The following DGKB variants were observed in gnomAD, a reference collection of about 807,000 sequenced individuals.
DGKB encodes the protein 90 kDa diacylglycerol kinase.
Under a neutral mutation model 114.3 loss-of-function variants are expected in DGKB, and 67 were observed. The ratio of observed to expected loss-of-function variants is 0.59; its 90% CI spans 0.48 to 0.72. The LOEUF (loss-of-function observed/expected upper bound fraction) is 0.72. Among genes scored for constraint, DGKB ranks in the 30% least tolerant of loss-of-function variants. The pLI is 0.00. For synonymous variants in DGKB, 398 were observed against 323.1 expected, an observed-to-expected ratio of 1.23 and a Z score of -2.49; for missense variants, 907 against 975.2, an observed-to-expected ratio of 0.93 and a Z score of 0.93.
chr7:14,885,427 T>G (rs564578726), intron 1 of DGKB, among the ~76,000 whole-genome samples: 1 of 151,978 alleles, frequency 6.6e-6, no homozygotes, highest in East Asian at 1.9e-4. Context: ...AAAGCAATGT[T>G]TCTTGGAGAG....
chr7:14,569,432 A>G lies in DGKB; in HGVS notation c.1770+4780T>C, dbSNP rs559981150. Among the ~76,000 whole-genome samples the G allele has an allele frequency of 4.9e-4, 74 of 152,326 alleles. No individual in the cohort carries two copies. The South Asian group carries it at 0.012, about 25-fold the overall frequency. ...GTCATCTTTTAAATTTAGATCTTTA[A>G]TAAGTCTGGCGTGTACTTATATAAT... On this transcript the variant is annotated intron_variant, in intron 20 of 25. Coordinates refer to ENST00000402815, the MANE Select transcript of DGKB (RefSeq NM_001350709.2).
Position 14,148,466 on chromosome 7 carries a change from C to CTTAT in DGKB, c.*661_*664dup, listed in dbSNP as rs1781722127. The CTTAT allele has an allele frequency of 6.6e-6, 1 of 152,610 alleles. No homozygotes were observed. The highest frequency in any genetic ancestry group is 2.4e-5 in the African/African-American group (1 of 41,442). The allele number at this position is 152,610 out of a possible 1,614,324, so 9.5% of individuals were successfully genotyped here. On this transcript the variant is annotated 3_prime_UTR_variant, in exon 26 of 26. Transcript: ENST00000402815. ...TTGACTGTCAAGTAACATGTTTTCA[C>CTTAT]TTATTTCTGGAATTAAAAAGAAAAC...
chr7:14,459,524 A>C (rs1024482253), intron 21 of DGKB, among the ~76,000 whole-genome samples: 1 of 152,272 alleles, frequency 6.6e-6, no homozygotes, highest in African/African-American at 2.4e-5. Context: ...TCAACTTAAC[A>C]AAAGAAAGCA....
chr7:14,304,549 T>C (rs1233174326), intron 23 of DGKB, among the ~76,000 whole-genome samples: 2 of 152,160 alleles, frequency 1.3e-5, no homozygotes, highest in African/African-American at 4.8e-5. Context: ...TTTTTTGCAT[T>C]ACAGCCCAAA....
chr7:14,622,243 G>A (rs1049110799), intron 14 of DGKB, among the ~76,000 whole-genome samples: 1 of 151,984 alleles, frequency 6.6e-6, no homozygotes, highest in Non-Finnish European at 1.5e-5. Context: ...GTGGCTTCCA[G>A]GACACTTCTT....
intron 3 of DGKB, among the ~76,000 whole-genome samples, chr7:14,755,251 C>A (rs1044616948): frequency 6.6e-6 from 1 of 151,998 alleles, no homozygotes; most frequent in Non-Finnish European, 1.5e-5. Flanking sequence ...TATTTTTTCT[C>A]TATTAAAATA....
At chr7:14,736,254 C>T in intron 4 of DGKB, 60 bp from the exon 5 acceptor site, 1 of 1,141,810 alleles carries the variant, frequency 8.8e-7, no homozygotes, top group South Asian at 1.6e-5. Context: ...AAATTCTGTG[C>T]TGTGTTCAAA....
intron 2 of DGKB, among the ~76,000 whole-genome samples, chr7:14,807,620 C>T (rs540209691): frequency 6.6e-5 from 10 of 151,956 alleles, no homozygotes; most frequent in South Asian, 4.2e-4. Context: ...TATAAAACGA[C>T]GTAGAAAGAG....
At chr7:14,888,026 T>A (rs1780586452) in intron 1 of DGKB, among the ~76,000 whole-genome samples, 1 of 151,662 alleles carries the variant, frequency 6.6e-6, no homozygotes, top group Non-Finnish European at 1.5e-5. Flanking sequence ...GCTGCTTGAA[T>A]AAGTAGAAAT....
At chr7:14,935,175 T>A (rs1421149958) in intron 1 of DGKB, among the ~76,000 whole-genome samples, 1 of 152,174 alleles carries the variant, frequency 6.6e-6, no homozygotes, top group Non-Finnish European at 1.5e-5. Flanking sequence ...CTTATCGATC[T>A]GTGAATTGTG....
intron 20 of DGKB, among the ~76,000 whole-genome samples, chr7:14,483,847 G>C (rs10245826): frequency 0.5 from 75,972 of 151,852 alleles, 19,557 homozygotes; most frequent in East Asian, 0.87. Flanking sequence ...GAAATGTTTT[G>C]TTCTCCATCA....
At chr7:14,562,907 T>G (rs1160583782) in intron 20 of DGKB, among the ~76,000 whole-genome samples, 1 of 152,140 alleles carries the variant, frequency 6.6e-6, no homozygotes, top group Non-Finnish European at 1.5e-5. Flanking sequence ...ATAGGAGATT[T>G]GGGAGGGACC....
At chr7:14,839,963 A>G (rs1562681429) in intron 2 of DGKB, among the ~76,000 whole-genome samples, 2 of 152,168 alleles carry the variant, frequency 1.3e-5, no homozygotes, top group East Asian at 1.9e-4. Flanking sequence ...GTCTTTTCAG[A>G]TAATATACAT....
At chr7:14,686,719 A>T (rs1404614) in intron 9 of DGKB, among the ~76,000 whole-genome samples, 72,820 of 151,880 alleles carry the variant, frequency 0.48, 17,885 homozygotes, top group East Asian at 0.82. Context: ...TAATTCTTAC[A>T]TTAGAACCAG....
intron 21 of DGKB, among the ~76,000 whole-genome samples, chr7:14,349,704 T>C (rs1018237053): frequency 1.3e-5 from 2 of 152,170 alleles, no homozygotes; most frequent in African/African-American, 2.4e-5. Flanking sequence ...ACATGACAAA[T>C]TGAAGGCTGT....
chr7:14,921,234 G>C (rs571700259), intron 1 of DGKB, among the ~76,000 whole-genome samples: 42 of 152,244 alleles, frequency 2.8e-4, no homozygotes, highest in African/African-American at 9.4e-4. Flanking sequence ...ACATGAAACT[G>C]TAATTGTGGA....
chr7:14,632,223 G>A (rs1809861463), intron 13 of DGKB, among the ~76,000 whole-genome samples: 1 of 151,856 alleles, frequency 6.6e-6, no homozygotes. Flanking sequence ...ATTTGAATAT[G>A]GACAAGATAA....
chr7:14,304,586 C>T (rs1391809421), intron 23 of DGKB, among the ~76,000 whole-genome samples: 1 of 152,094 alleles, frequency 6.6e-6, no homozygotes, highest in Non-Finnish European at 1.5e-5. Context: ...CGATAACTAG[C>T]CAATGCTCAG....
At chr7:14,844,010 G>C (rs1189041244) in intron 1 of DGKB, among the ~76,000 whole-genome samples, 1 of 152,166 alleles carries the variant, frequency 6.6e-6, no homozygotes, top group Non-Finnish European at 1.5e-5. Flanking sequence ...GGTAGGTGTA[G>C]CACAGACTGC....
Sources: allele counts gnomAD v4.1 joint callset (sites outside exome capture counted in the v4.1 genomes callset), GRCh38; gene constraint gnomAD v4.1.1; transcripts MANE v1.5; gene names NCBI Gene and HGNC (gene_info 2026-07-23, HGNC 2026-07-21).